Variants in RHOQ observed in about 807,000 individuals in gnomAD.
RHOQ encodes the protein ras homolog family member Q, also known as rho-related GTP-binding protein RhoQ.
A neutral mutation model predicts 25.8 loss-of-function variants in RHOQ; 7 were observed. The ratio of observed to expected loss-of-function variants is 0.27; its 90% confidence interval spans 0.15 to 0.51. RHOQ has a LOEUF of 0.51. Among genes scored for constraint, RHOQ ranks in the 20% least tolerant of loss-of-function variants. The probability of loss-of-function intolerance (pLI) is 0.97; values close to 1 mark genes in which losing one functional copy is unlikely to be tolerated. For missense variants in RHOQ, 165 were observed against 260.6 expected (o/e 0.63, Z 2.53); for synonymous variants, 97 against 98.6 (o/e 0.98, Z 0.10).
At position 46,553,810 on chromosome 2, in the gene RHOQ, C is replaced by G. The variant is rs545916231; in HGVS notation, c.201+9998C>G. Among the ~76,000 whole-genome samples the G allele has an allele frequency of 5.3e-5, 8 of 152,300 alleles. No homozygotes were observed. In the South Asian group the frequency reaches 1.0e-3, roughly 20 times the overall value. On this transcript the variant is annotated intron_variant, in intron 2 of 4. Coordinates refer to ENST00000238738, the MANE Select transcript of RHOQ (RefSeq NM_012249.4). ...GCCAGGCTGGTCCCGAACTTCTGAC[C>G]TTGTGATCCGCCCACTTCAGCCTCC...
Position 46,556,553 on chromosome 2 carries a change from C to T in RHOQ, c.201+12741C>T, listed in dbSNP as rs1372304295. On this transcript the variant is annotated intron_variant, in intron 2 of 4. Transcript: ENST00000238738. This position sits in a 1 kb window ranked among gnomAD's most constrained non-coding sequence, Gnocchi z 4.9. ...TTCCAGTGTTCTTGTTTTCTCTGTGCCTCTGTTCATATACTCTCCCACCCC... is the reference window on the plus strand; with the variant it reads ...TTCCAGTGTTCTTGTTTTCTCTGTGTCTCTGTTCATATACTCTCCCACCCC... Among the ~76,000 whole-genome samples the T allele has an allele frequency of 1.3e-5, 2 of 151,266 alleles. No homozygotes were observed. The highest frequency in any genetic ancestry group is 4.9e-5 in the African/African-American group (2 of 41,074).
chr2:46,581,566 C>G lies in RHOQ; in HGVS notation c.*483C>G. 1 of 1,611,394 alleles carries G rather than the reference C, an allele frequency of 6.2e-7. No individual in the cohort carries two copies. Among genetic ancestry groups the G allele is most frequent in the Non-Finnish European group, 8.5e-7 (1 of 1,179,514 alleles). Reference sequence around the variant, plus strand: ...GCCAGCCACGTAGCCAAAGGTCGCTCCAAGCGTACAGGAGATGGGCCATAC... The same window carrying G: ...GCCAGCCACGTAGCCAAAGGTCGCTGCAAGCGTACAGGAGATGGGCCATAC... On this transcript the variant is annotated 3_prime_UTR_variant, in exon 5 of 5. Coordinates refer to ENST00000238738, the MANE Select transcript of RHOQ (RefSeq NM_012249.4).
rs1020601435 is a variant in RHOQ at position 46,548,856 on chromosome 2, G to A, written c.201+5044G>A. Among the ~76,000 whole-genome samples, 2 of 152,202 alleles carry A rather than the reference G, an allele frequency of 1.3e-5. No individual in the cohort carries two copies. Among genetic ancestry groups the A allele is most frequent in the African/African-American group, 4.8e-5 (2 of 41,450 alleles). ...CGGGAATGCTGGTTTCCTCCTCTGC[G>A]TTGGGAAGGTGGATAGCCTTTGTTG... is the stretch of plus-strand genomic sequence containing the variant. On this transcript the variant is annotated intron_variant, in intron 2 of 4. Transcript: ENST00000238738. This position sits in a 1 kb window ranked among gnomAD's most constrained non-coding sequence, Gnocchi z 5.2.
In RHOQ at chr2:46,555,684, A is replaced by G. The variant is rs1362354298; in HGVS notation, c.201+11872A>G. 6.6e-6 allele frequency among the ~76,000 whole-genome samples: 1 copy of G among 152,238 alleles called. No individual in the cohort carries two copies. The highest frequency in any genetic ancestry group is 1.5e-5 in the Non-Finnish European group (1 of 68,042). On this transcript the variant is annotated intron_variant, in intron 2 of 4. Coordinates refer to ENST00000238738, the MANE Select transcript of RHOQ (RefSeq NM_012249.4). The surrounding 1 kb of genome is among the most constrained non-coding windows in gnomAD (Gnocchi z 4.3). ...TTTGGATGAAATACTGGCTATGCGC[A>G]TGTACTGTTCTCCAGCAAGTCTAGA...
chr2:46,576,707 A>C lies in RHOQ; in HGVS notation c.462+51A>C. 1 of 1,238,872 alleles carries C rather than the reference A, an allele frequency of 8.1e-7. No individual in the cohort carries two copies. The highest frequency in any genetic ancestry group is 1.3e-5 in the South Asian group (1 of 77,482). 76.7% of individuals were successfully genotyped at this position (1,238,872 alleles called of 1,614,324 possible). ...GCATGAATGTAAAAGATGCTAAGAT[A>C]ACAATAGAAGCTAATTTTATTGTGT... On this transcript the variant is annotated intron_variant, in intron 4 of 4. Transcript: ENST00000238738. The surrounding 1 kb of genome is among the most constrained non-coding windows in gnomAD (Gnocchi z 5.1).
intron 2 of RHOQ, among the ~76,000 whole-genome samples, chr2:46,571,799 T>C (rs546491325): frequency 6.6e-5 from 10 of 152,360 alleles, no homozygotes; most frequent in African/African-American, 2.4e-4. Context: ...AATCGTCCAA[T>C]GTGAGTGTTT....
chr2:46,563,859 C>A (rs1183243684), intron 2 of RHOQ, among the ~76,000 whole-genome samples: 3 of 151,888 alleles, frequency 2.0e-5, no homozygotes, highest in Non-Finnish European at 4.4e-5. Flanking sequence ...CCCTATGTTG[C>A]CCAGGCTGGT....
chr2:46,574,446 A>C (rs1048691184), intron 2 of RHOQ, among the ~76,000 whole-genome samples: 1 of 152,138 alleles, frequency 6.6e-6, no homozygotes, highest in African/African-American at 2.4e-5. Flanking sequence ...ATTTTTAAAA[A>C]GTTAAATTTT....
intron 4 of RHOQ, 99 bp from the exon 5 acceptor site, chr2:46,580,829 T>C (rs986982749): frequency 1.2e-6 from 1 of 833,520 alleles, no homozygotes; most frequent in Non-Finnish European, 1.7e-6. Context: ...TCTTTTTGCA[T>C]AGCTGTATTT....
chr2:46,551,299 A>T (rs1167430068), intron 2 of RHOQ, among the ~76,000 whole-genome samples: 1 of 152,234 alleles, frequency 6.6e-6, no homozygotes. Flanking sequence ...CACCTCAGGC[A>T]TGCAGCAGTG....
chr2:46,550,755 T>C (rs1186150521), intron 2 of RHOQ, among the ~76,000 whole-genome samples: 1 of 152,236 alleles, frequency 6.6e-6, no homozygotes, highest in Non-Finnish European at 1.5e-5. Flanking sequence ...ATGATGTATG[T>C]CGTTACCCTG....
chr2:46,575,042 T>G (rs1320389785), intron 2 of RHOQ, among the ~76,000 whole-genome samples: 2 of 152,314 alleles, frequency 1.3e-5, no homozygotes, highest in Middle Eastern at 3.4e-3. Flanking sequence ...AGTAGAATTT[T>G]GTGTCACATA....
Position 46,543,204 on chromosome 2 carries a change from GCTGA to G in RHOQ, c.142+19_142+22del, listed in dbSNP as rs768433903. On this transcript the variant is annotated intron_variant, in intron 1 of 4. Coordinates refer to ENST00000238738, the MANE Select transcript of RHOQ (RefSeq NM_012249.4). The stretch of plus-strand genomic sequence containing the variant: ...CACTACGCAGGTAAGCCTCGGAACT[GCTGA>G]CTAAGGGGCCGCTCCCCGGGCCGGG... The G allele has an allele frequency of 6.1e-5, 99 of 1,610,702 alleles. 1 individual carries two copies. Among genetic ancestry groups the G allele is most frequent in the Non-Finnish European group, 7.9e-5 (93 of 1,178,844 alleles).
intron 4 of RHOQ, among the ~76,000 whole-genome samples, chr2:46,577,565 A>ATTTTT (rs908178158): frequency 1.5e-5 from 1 of 64,958 alleles, no homozygotes; most frequent in African/African-American, 6.1e-5. Flanking sequence ...ACACCCGGCT[A>ATTTTT]TTTTTTTTTT....
In RHOQ at chr2:46,574,759, A is replaced by T. The variant is rs372616318; in HGVS notation, c.202-1328A>T. ...CCAGTCAAGGGTTTGGGACATTAAC[A>T]TGCTTTAGTTGAAAGTTATATTATG... On this transcript the variant is annotated intron_variant, in intron 2 of 4. Coordinates refer to ENST00000238738, the MANE Select transcript of RHOQ (RefSeq NM_012249.4). 1.2e-4 allele frequency among the ~76,000 whole-genome samples: 19 copies of T among 152,354 alleles called. No individual in the cohort carries two copies. The South Asian group carries it at 2.1e-3, about 17-fold the overall frequency.
chr2:46,568,996 G>C (rs534180153), intron 2 of RHOQ: 3 of 152,338 alleles, frequency 2.0e-5, no homozygotes, highest in African/African-American at 7.2e-5. Context: ...GCTGACCTCT[G>C]TTTTAGTGCA....
At position 46,556,044 on chromosome 2, in the gene RHOQ, A is replaced by G. The variant is rs1433839541; in HGVS notation, c.201+12232A>G. ...CACCCCAGAACGAAACCCCATACCCACCGACAGTCACTCCCCACCATTCCT... is the reference window on the plus strand; with the variant it reads ...CACCCCAGAACGAAACCCCATACCCGCCGACAGTCACTCCCCACCATTCCT... On this transcript the variant is annotated intron_variant, in intron 2 of 4. Transcript: ENST00000238738. This position sits in a 1 kb window ranked among gnomAD's most constrained non-coding sequence, Gnocchi z 4.9. Among the ~76,000 whole-genome samples the G allele has an allele frequency of 6.6e-6, 1 of 151,942 alleles. No individual in the cohort carries two copies. Among genetic ancestry groups the G allele is most frequent in the East Asian group, 1.9e-4 (1 of 5,198 alleles).
intron 2 of RHOQ, among the ~76,000 whole-genome samples, chr2:46,570,522 G>C (rs1280821750): frequency 1.3e-5 from 2 of 152,146 alleles, no homozygotes; most frequent in African/African-American, 2.4e-5. Context: ...TGATATATAA[G>C]TTAGATGTAG....
Position 46,555,169 on chromosome 2 carries a change from A to G in RHOQ, c.201+11357A>G, listed in dbSNP as rs925893828. ...TCCACTGCAGAAAGTGAGAAGTCCA[A>G]CTGAGGCTGAGGCACCCCATGACCT... is the stretch of plus-strand genomic sequence containing the variant. On this transcript the variant is annotated intron_variant, in intron 2 of 4. Transcript: ENST00000238738. The surrounding 1 kb of genome is among the most constrained non-coding windows in gnomAD (Gnocchi z 4.3). 4.6e-5 allele frequency among the ~76,000 whole-genome samples: 7 copies of G among 152,224 alleles called. No individual in the cohort carries two copies. Among genetic ancestry groups the G allele is most frequent in the East Asian group, 1.9e-4 (1 of 5,194 alleles).
Sources: allele counts gnomAD v4.1 joint callset (sites outside exome capture counted in the v4.1 genomes callset), GRCh38; gene constraint gnomAD v4.1.1; non-coding constraint Gnocchi (gnomAD v3.1); transcripts MANE v1.5; gene names NCBI Gene and HGNC (gene_info 2026-07-23, HGNC 2026-07-21).